The following FARS2 variants were observed in gnomAD, a reference collection of about 807,000 sequenced individuals.
The protein encoded by FARS2 is phenylalanine--tRNA ligase, mitochondrial.
In FARS2, 40 loss-of-function variants were observed where a neutral mutation model predicts 46.4. The observed-to-expected ratio is 0.86, with a 90% CI of 0.67 to 1.12. The LOEUF is 1.12. FARS2 is among the 50% of genes most tolerant of loss of function. The probability of loss-of-function intolerance (pLI) is 0.00; values close to 1 mark genes in which losing one functional copy is unlikely to be tolerated. For missense variants in FARS2, 513 were observed against 567.9 expected (o/e 0.90, Z 0.98); for synonymous variants, 234 against 214.9 (o/e 1.09, Z -0.78).
intron 6 of FARS2, among the ~76,000 whole-genome samples, chr6:5,623,815 A>T (rs1245719513): frequency 6.6e-6 from 1 of 152,220 alleles, no homozygotes; most frequent in Non-Finnish European, 1.5e-5. Context: ...TGTGTTGGGA[A>T]AATGCTGTGG....
At chr6:5,336,494 T>A (rs186236853) in intron 1 of FARS2, among the ~76,000 whole-genome samples, 8 of 152,240 alleles carry the variant, frequency 5.3e-5, no homozygotes, top group Admixed American at 4.6e-4. Flanking sequence ...TTTTAAAATT[T>A]ATTTTTAATT....
At chr6:5,736,429 C>G (rs992914579) in intron 6 of FARS2, among the ~76,000 whole-genome samples, 4 of 152,214 alleles carry the variant, frequency 2.6e-5, no homozygotes, top group African/African-American at 7.2e-5. Context: ...ATTGCCACCA[C>G]AGGTGGCACA....
upstream of FARS2, among the ~76,000 whole-genome samples, chr6:5,256,608 T>C (rs987705040): frequency 2.7e-5 from 4 of 145,802 alleles, no homozygotes; most frequent in African/African-American, 7.5e-5. Flanking sequence ...TCTCATTTTA[T>C]AAAGAAACTG....
intron 1 of FARS2, among the ~76,000 whole-genome samples, chr6:5,349,305 C>A (rs972160960): frequency 1.3e-5 from 2 of 152,114 alleles, no homozygotes; most frequent in African/African-American, 4.8e-5. Context: ...TTGAAGATTA[C>A]AAAAACCTGA....
chr6:5,593,316 G>A lies in FARS2; in HGVS notation c.1066-19853G>A, dbSNP rs1489040615. Among the ~76,000 whole-genome samples the A allele has an allele frequency of 2.6e-5, 4 of 151,922 alleles. No homozygotes were observed. The East Asian group carries it at 7.7e-4, about 29-fold the overall frequency. On this transcript the variant is annotated intron_variant, in intron 5 of 6. Coordinates refer to ENST00000274680, the MANE Select transcript of FARS2 (RefSeq NM_006567.5). ...CTCCCGCCCCCACCGGCCTCTGCTG[G>A]TGCCTTTCCAAACACAGAGGTGCAC...
intron 1 of FARS2, among the ~76,000 whole-genome samples, chr6:5,362,509 T>G (rs1206850418): frequency 6.6e-6 from 1 of 152,234 alleles, no homozygotes; most frequent in African/African-American, 2.4e-5. Flanking sequence ...ATCCCATATC[T>G]TGGCCATTGT....
chr6:5,400,594 T>G (rs542123130), intron 2 of FARS2, among the ~76,000 whole-genome samples: 1 of 151,542 alleles, frequency 6.6e-6, no homozygotes, highest in East Asian at 1.9e-4. Flanking sequence ...AATGTATTTT[T>G]CATTATGAAG....
At chr6:5,576,629 AT>A (rs1375474737) in intron 5 of FARS2, among the ~76,000 whole-genome samples, 1 of 53,474 alleles carries the variant, frequency 1.9e-5, no homozygotes, top group Non-Finnish European at 4.4e-5. Flanking sequence ...TATATCATAT[AT>A]TAACATATAT....
intron 6 of FARS2, among the ~76,000 whole-genome samples, chr6:5,705,569 C>T (rs564338636): frequency 1.3e-5 from 2 of 152,234 alleles, no homozygotes; most frequent in East Asian, 3.9e-4. Context: ...AGCCTTGACA[C>T]CTGGCCGCTA....
chr6:5,364,078 G>T (rs866991666), intron 1 of FARS2, among the ~76,000 whole-genome samples: 1 of 152,072 alleles, frequency 6.6e-6, no homozygotes, highest in South Asian at 2.1e-4. Flanking sequence ...AATCCATTCT[G>T]AGTTCTCTGT....
chr6:5,419,872 C>T (rs35719003), intron 3 of FARS2, among the ~76,000 whole-genome samples: 26,479 of 152,098 alleles, frequency 0.17, 2,722 homozygotes, highest in East Asian at 0.46. Context: ...GGTTGTGGAC[C>T]CCAAGCCCAG....
chr6:5,459,516 G>A (rs940749525), intron 4 of FARS2, among the ~76,000 whole-genome samples: 4 of 152,044 alleles, frequency 2.6e-5, no homozygotes, highest in Non-Finnish European at 4.4e-5. Context: ...CTTTGTGGGC[G>A]GTGGTGGAAT....
At chr6:5,745,805 G>A (rs1043779666) in intron 6 of FARS2, among the ~76,000 whole-genome samples, 1 of 152,196 alleles carries the variant, frequency 6.6e-6, no homozygotes, top group African/African-American at 2.4e-5. Flanking sequence ...CTCACAAAAT[G>A]CTGGGATTAC....
At chr6:5,528,066 T>G (rs564597075) in intron 4 of FARS2, among the ~76,000 whole-genome samples, 1 of 152,320 alleles carries the variant, frequency 6.6e-6, no homozygotes, top group South Asian at 2.1e-4. Context: ...ACTATTCCCT[T>G]TACGTTTTCA....
At chr6:5,385,373 T>C (rs528304832) in intron 2 of FARS2, among the ~76,000 whole-genome samples, 27 of 152,320 alleles carry the variant, frequency 1.8e-4, no homozygotes, top group African/African-American at 6.0e-4. Context: ...TTGAATTTGC[T>C]TGCTGCATTT....
In FARS2 at chr6:5,721,127, A is replaced by G. The variant is rs537652543; in HGVS notation, c.1218-50164A>G. Reference sequence around the variant, plus strand: ...TTTATTATTTAAACATATCAATAATAAAACCATTGCATATTAACCTAATAT... The same window carrying G: ...TTTATTATTTAAACATATCAATAATGAAACCATTGCATATTAACCTAATAT... On this transcript the variant is annotated intron_variant, in intron 6 of 6. Coordinates refer to ENST00000274680, the MANE Select transcript of FARS2 (RefSeq NM_006567.5). Among the ~76,000 whole-genome samples, 3 of 152,372 alleles carry G rather than the reference A, an allele frequency of 2.0e-5. No homozygotes were observed. The East Asian group carries it at 5.8e-4, about 29-fold the overall frequency.
intron 6 of FARS2, among the ~76,000 whole-genome samples, chr6:5,670,852 A>G (rs1273316809): frequency 5.3e-5 from 8 of 152,176 alleles, no homozygotes; most frequent in South Asian, 2.1e-4. Context: ...TAAAGTTTCA[A>G]CCGGGGCTCT....
intron 4 of FARS2, among the ~76,000 whole-genome samples, chr6:5,483,608 A>G (rs200192): frequency 0.015 from 2,325 of 152,292 alleles, 69 homozygotes; most frequent in African/African-American, 0.053. Flanking sequence ...CAGAGGTTGC[A>G]GTGAGCCAAA....
At position 5,739,360 on chromosome 6, in the gene FARS2, A is replaced by G. The variant is rs548275010; in HGVS notation, c.1218-31931A>G. ...AAAAAAAAAAATTGTAATTAAAAAA[A>G]GATCAAGAATCCTAACTTCTAGCAT... is the stretch of plus-strand genomic sequence containing the variant. On this transcript the variant is annotated intron_variant, in intron 6 of 6. Transcript: ENST00000274680. 6.7e-4 allele frequency among the ~76,000 whole-genome samples: 102 copies of G among 152,296 alleles called. 1 individual carries two copies. Among genetic ancestry groups the G allele is most frequent in the African/African-American group, 1.2e-3 (48 of 41,586 alleles).
Sources: allele counts gnomAD v4.1 joint callset (sites outside exome capture counted in the v4.1 genomes callset), GRCh38; gene constraint gnomAD v4.1.1; transcripts MANE v1.5; gene names NCBI Gene and HGNC (gene_info 2026-07-23, HGNC 2026-07-21).